The following UGT1A5 variants were observed in gnomAD, a reference collection of about 807,000 sequenced individuals.
The protein encoded by UGT1A5 is UDP-glucuronosyltransferase 1A5.
Under a neutral mutation model 40.3 loss-of-function variants are expected in UGT1A5, and 29 were observed. The observed-to-expected ratio is 0.72, with a 90% confidence interval of 0.54 to 0.98. UGT1A5 has a LOEUF of 0.98. UGT1A5 is among the 50% of genes least tolerant of loss of function. UGT1A5 has a pLI of 0.00. For missense variants in UGT1A5, 678 were observed against 677.9 expected, an observed-to-expected ratio of 1.00 and a Z score of 0.00; for synonymous variants, 257 against 262.5, an observed-to-expected ratio of 0.98 and a Z score of 0.20.
intron 1 of UGT1A5, among the ~76,000 whole-genome samples, chr2:233,727,889 C>A (rs906385439): frequency 1.3e-5 from 2 of 152,172 alleles, no homozygotes; most frequent in African/African-American, 4.8e-5. Flanking sequence ...CAATGGCAGA[C>A]ACGGCCAGGC....
intron 1 of UGT1A5, among the ~76,000 whole-genome samples, chr2:233,751,808 C>G (rs1373463775): frequency 6.6e-6 from 1 of 152,150 alleles, no homozygotes; most frequent in Non-Finnish European, 1.5e-5. Flanking sequence ...TTGTAAGTTT[C>G]CTGAGGCCTC....
intron 1 of UGT1A5, chr2:233,753,062 C>G (rs746941166): frequency 3.9e-5 from 6 of 152,186 alleles, no homozygotes; most frequent in African/African-American, 4.8e-5. Flanking sequence ...TGCCTTCCTC[C>G]CACCTCAAAA....
intron 1 of UGT1A5, chr2:233,719,437 C>T (rs1189079913): frequency 6.2e-7 from 1 of 1,613,870 alleles, no homozygotes; most frequent in East Asian, 2.2e-5. Context: ...GACCACATGA[C>T]ATTCCTGCAA....
chr2:233,771,098 A>C (rs1387885615), intron 4 of UGT1A5: 1 of 152,210 alleles, frequency 6.6e-6, no homozygotes, highest in Non-Finnish European at 1.5e-5. Flanking sequence ...TATCAGGAAG[A>C]CAGCACTAAA....
At chr2:233,725,539 A>G (rs980471563) in intron 1 of UGT1A5, among the ~76,000 whole-genome samples, 6 of 152,146 alleles carry the variant, frequency 3.9e-5, no homozygotes, top group African/African-American at 1.4e-4. Context: ...CAGACATATC[A>G]CAAATATTAT....
At chr2:233,754,276 G>A (rs906718442) in intron 1 of UGT1A5, 4 of 190,364 alleles carry the variant, frequency 2.1e-5, no homozygotes, top group Admixed American at 1.6e-4. Context: ...AAAGTGCTGA[G>A]ATGAACATTC....
At chr2:233,725,001 G>A (rs1276972399) in intron 1 of UGT1A5, among the ~76,000 whole-genome samples, 4 of 134,004 alleles carry the variant, frequency 3.0e-5, no homozygotes, top group Non-Finnish European at 6.0e-5. Context: ...GCTGGAGACC[G>A]GCCCGGCCAA....
chr2:233,750,566 C>G (rs575907211), intron 1 of UGT1A5: 1 of 151,898 alleles, frequency 6.6e-6, no homozygotes, highest in Admixed American at 6.5e-5. Context: ...TGCAGCAGAC[C>G]CTCCCATCAC....
chr2:233,748,172 T>C, intron 1 of UGT1A5: 1 of 1,584,752 alleles, frequency 6.3e-7, no homozygotes, highest in East Asian at 2.2e-5. Flanking sequence ...TCTACTTATC[T>C]TTCTGGTGCT....
intron 1 of UGT1A5, chr2:233,755,041 A>T (rs1695713138): frequency 2.3e-6 from 3 of 1,323,402 alleles, no homozygotes; most frequent in African/African-American, 1.5e-5. Flanking sequence ...CCGCCTGCGC[A>T]GCCGCCCTCC....
Position 233,713,133 on chromosome 2 carries a change from T to G in UGT1A5, c.142T>G (p.Leu48Val), listed in dbSNP as rs775185611. Residue 48 changes from leucine (L) to valine (V), a missense_variant, in exon 1 of 5, where the codon TTG (leucine) becomes GTG (valine). Physicochemically the swap from Leu to Val is conservative, Grantham distance 32. Coordinates refer to ENST00000373414, the MANE Select transcript of UGT1A5 (RefSeq NM_019078.2). ...CCACTGGCTCAGCATGCGGGAGGCCTTGCGGGACCTCCATGCGAGAGGCCA... is the reference window on the plus strand; with the variant it reads ...CCACTGGCTCAGCATGCGGGAGGCCGTGCGGGACCTCCATGCGAGAGGCCA... ...GSHWLSMREA[L>V]RDLHARGHQV... is the part of the protein sequence containing the mutation. 1.1e-5 allele frequency: 17 copies of G among 1,614,082 alleles called. No individual in the cohort carries two copies. In the South Asian group the frequency reaches 1.3e-4, roughly 13 times the overall value.
At chr2:233,717,672 G>C in intron 1 of UGT1A5, 1 of 421,080 alleles carries the variant, frequency 2.4e-6, no homozygotes, top group Admixed American at 2.5e-5. Flanking sequence ...GCAATCTTGC[G>C]AGCACATGTA....
chr2:233,734,476 T>C (rs1027928479), intron 1 of UGT1A5, among the ~76,000 whole-genome samples: 15 of 152,296 alleles, frequency 9.8e-5, no homozygotes, highest in African/African-American at 3.6e-4. Context: ...CCTGGATTCA[T>C]TGATTTTTTT....
chr2:233,717,281 T>G (rs1169770811), intron 1 of UGT1A5, among the ~76,000 whole-genome samples: 3 of 152,158 alleles, frequency 2.0e-5, no homozygotes, highest in Non-Finnish European at 4.4e-5. Flanking sequence ...GAAGCTGAGA[T>G]GTTGCACCCA....
intron 1 of UGT1A5, among the ~76,000 whole-genome samples, chr2:233,734,944 A>G (rs2125789898): frequency 6.6e-6 from 1 of 152,282 alleles, no homozygotes; most frequent in Middle Eastern, 3.4e-3. Context: ...TCATATGGTC[A>G]GTTTTAGAAT....
Position 233,729,005 on chromosome 2 carries a change from CTG to C in UGT1A5, c.867+15149_867+15150del, listed in dbSNP as rs1444389059. ...TAATAATTAACTAGAGGAGGGCACT[CTG>C]TCTTCCAATTACACGTTGATTTGCT... On this transcript the variant is annotated intron_variant, in intron 1 of 4. Coordinates refer to ENST00000373414, the MANE Select transcript of UGT1A5 (RefSeq NM_019078.2). The C allele has an allele frequency of 3.2e-6, 5 of 1,574,922 alleles. No individual in the cohort carries two copies. In the East Asian group the frequency reaches 1.1e-4, roughly 36 times the overall value.
rs1699582839 is a variant in UGT1A5, at chr2:233,768,178, C to CA, written c.1088-41dup. On this transcript the variant is annotated intron_variant, in intron 3 of 4. Transcript: ENST00000373414. ...CCTAGATGTGTCCAGCTGTGAAACTCAGAGATGTAACTGCTGACATCCTCC... is the reference window on the plus strand; with the variant it reads ...CCTAGATGTGTCCAGCTGTGAAACTCAAGAGATGTAACTGCTGACATCCTCC... 5.6e-6 allele frequency: 9 copies of CA among 1,613,764 alleles called. No individual in the cohort carries two copies. In the Admixed American group the frequency reaches 8.3e-5, roughly 15 times the overall value.
intron 1 of UGT1A5, among the ~76,000 whole-genome samples, chr2:233,737,902 TA>T (rs1468589686): frequency 1.3e-5 from 2 of 152,134 alleles, no homozygotes; most frequent in Non-Finnish European, 2.9e-5. Context: ...TCGAGTGTGG[TA>T]AAGAACAGGC....
At chr2:233,755,921 AT>A (rs1696067229) in intron 1 of UGT1A5, 1 of 146,266 alleles carries the variant, frequency 6.8e-6, no homozygotes, top group Non-Finnish European at 1.5e-5. Context: ...GAAGAGTGGC[AT>A]CGTTTTACAG....
Sources: gnomAD v4.1 joint callset for allele counts (sites outside exome capture counted in the v4.1 genomes callset) on GRCh38, gnomAD v4.1.1 for gene constraint, MANE v1.5 for transcripts, NCBI Gene and HGNC (gene_info 2026-07-23, HGNC 2026-07-21) for gene names.